PTPRK: variants seen among roughly 807,000 people sequenced by gnomAD.
PTPRK encodes protein tyrosine phosphatase receptor type K, also known as receptor-type tyrosine-protein phosphatase kappa.
Under a neutral mutation model 178.0 loss-of-function variants are expected in PTPRK, and 75 were observed. The observed-to-expected ratio is 0.42, with a 90% CI of 0.35 to 0.51. The LOEUF is 0.51. Ranked by LOEUF, PTPRK falls within the 20% of genes least tolerant of loss-of-function variation. The pLI, the probability that PTPRK is intolerant of heterozygous loss-of-function variation, is 0.02. For missense variants in PTPRK, 1,441 were observed against 1,797.8 expected (o/e 0.80, Z 3.59); for synonymous variants, 637 against 620.6 (o/e 1.03, Z -0.39).
At chr6:128,415,854 A>T (rs572882448) in intron 1 of PTPRK, among the ~76,000 whole-genome samples, 99 of 151,980 alleles carry the variant, frequency 6.5e-4, no homozygotes, top group Non-Finnish European at 6.9e-4. Flanking sequence ...CTGAAAATTT[A>T]AAAAAAAATT....
intron 6 of PTPRK, among the ~76,000 whole-genome samples, chr6:128,218,163 A>G (rs981034167): frequency 6.6e-6 from 1 of 152,090 alleles, no homozygotes; most frequent in African/African-American, 2.4e-5. Context: ...CATTTTTAAC[A>G]CCTGTCTATA....
At chr6:128,277,341 C>T (rs1820878935) in intron 3 of PTPRK, among the ~76,000 whole-genome samples, 1 of 152,106 alleles carries the variant, frequency 6.6e-6, no homozygotes, top group Non-Finnish European at 1.5e-5. Flanking sequence ...AAGTAGTTAT[C>T]AATTCATGCT....
chr6:128,167,722 T>C (rs562312890), intron 7 of PTPRK, among the ~76,000 whole-genome samples: 2 of 152,196 alleles, frequency 1.3e-5, no homozygotes, highest in Admixed American at 1.3e-4. Context: ...TAAAGTTGAA[T>C]AGACATTTCA....
At chr6:128,431,046 G>A (rs1844779531) in intron 1 of PTPRK, among the ~76,000 whole-genome samples, 1 of 148,762 alleles carries the variant, frequency 6.7e-6, no homozygotes, top group African/African-American at 2.5e-5. Flanking sequence ...TCAGGCAGTT[G>A]TCCTGCCTCA....
chr6:127,988,567 T>G (rs954516065), intron 21 of PTPRK, among the ~76,000 whole-genome samples: 1 of 152,240 alleles, frequency 6.6e-6, no homozygotes, highest in Non-Finnish European at 1.5e-5. Context: ...TTCATGCTTC[T>G]AAATCTTTGT....
intron 3 of PTPRK, among the ~76,000 whole-genome samples, chr6:128,264,011 A>G (rs1397731526): frequency 6.6e-6 from 1 of 151,050 alleles, no homozygotes; most frequent in Admixed American, 6.6e-5. Flanking sequence ...TATGAAGCAG[A>G]CTACTACATC....
intron 7 of PTPRK, among the ~76,000 whole-genome samples, chr6:128,126,241 C>T (rs1793357154): frequency 6.6e-6 from 1 of 152,040 alleles, no homozygotes; most frequent in African/African-American, 2.4e-5. Flanking sequence ...TGACAGGCCC[C>T]AGCGTGTGAT....
intron 3 of PTPRK, among the ~76,000 whole-genome samples, chr6:128,272,392 A>C (rs1819979017): frequency 6.6e-6 from 1 of 152,212 alleles, no homozygotes; most frequent in Non-Finnish European, 1.5e-5. Context: ...TCTGCACAGC[A>C]AAAGAAACTA....
chr6:128,046,031 T>C (rs1020103859), intron 13 of PTPRK, among the ~76,000 whole-genome samples: 1 of 152,156 alleles, frequency 6.6e-6, no homozygotes, highest in Non-Finnish European at 1.5e-5. Flanking sequence ...AAAGAATTTA[T>C]AATGATAAGG....
At chr6:128,307,461 TAAA>T (rs540521960) in intron 3 of PTPRK, among the ~76,000 whole-genome samples, 2 of 123,074 alleles carry the variant, frequency 1.6e-5, no homozygotes, top group African/African-American at 2.9e-5. Context: ...ATTTGTAAAG[TAAA>T]AAAAAAAAAA....
At chr6:128,506,118 T>C (rs1052675318) in intron 1 of PTPRK, among the ~76,000 whole-genome samples, 1 of 152,232 alleles carries the variant, frequency 6.6e-6, no homozygotes, top group African/African-American at 2.4e-5. Context: ...CCTTTCTCAT[T>C]CTATAACCAT....
intron 11 of PTPRK, among the ~76,000 whole-genome samples, chr6:128,078,403 C>G (rs1784211704): frequency 6.6e-6 from 1 of 151,962 alleles, no homozygotes; most frequent in South Asian, 2.1e-4. Flanking sequence ...TGCTAAGCAA[C>G]CTTCTGGCTC....
At chr6:128,395,203 G>C (rs1342114159) in intron 2 of PTPRK, among the ~76,000 whole-genome samples, 1 of 152,078 alleles carries the variant, frequency 6.6e-6, no homozygotes, top group South Asian at 2.1e-4. Context: ...ATTATAAAAA[G>C]AGATGACTAA....
chr6:128,143,117 T>G (rs1796012505), intron 7 of PTPRK, among the ~76,000 whole-genome samples: 2 of 150,608 alleles, frequency 1.3e-5, no homozygotes, highest in Admixed American at 1.3e-4. Flanking sequence ...GATCTCTCCA[T>G]AAATGCCTTC....
In PTPRK at chr6:128,224,783, C is replaced by T. The variant is rs190507514; in HGVS notation, c.694-5687G>A. On this transcript the variant is annotated intron_variant, in intron 5 of 29. Transcript: ENST00000368226. ...CTAAGGAGACATAAGAAAATGGGTT[C>T]CCTTTGCTTTTTCTTACTGTCATGC... 9.2e-5 allele frequency among the ~76,000 whole-genome samples: 14 copies of T among 152,190 alleles called. No homozygotes were observed. In the East Asian group the frequency reaches 2.5e-3, roughly 27 times the overall value.
Position 128,225,650 on chromosome 6 carries a change from G to A in PTPRK, c.694-6554C>T, listed in dbSNP as rs1811168947. ...TTTAAAAACATGAAAGTATTTCACA[G>A]AAAACTTAAATTTAGAAATTTCTAA... is the stretch of plus-strand genomic sequence containing the variant. On this transcript the variant is annotated intron_variant, in intron 5 of 29. Coordinates refer to ENST00000368226, the MANE Select transcript of PTPRK (RefSeq NM_002844.4). Among the ~76,000 whole-genome samples, 5 of 151,854 alleles carry A rather than the reference G, an allele frequency of 3.3e-5. No homozygotes were observed. In the South Asian group the frequency reaches 1.0e-3, roughly 32 times the overall value.
At chr6:128,336,919 C>G (rs1371038016) in intron 2 of PTPRK, among the ~76,000 whole-genome samples, 1 of 152,146 alleles carries the variant, frequency 6.6e-6, no homozygotes, top group African/African-American at 2.4e-5. Context: ...AAGAATCATA[C>G]ATTCCATCTG....
intron 3 of PTPRK, among the ~76,000 whole-genome samples, chr6:128,309,513 T>C (rs1826924369): frequency 6.6e-6 from 1 of 152,132 alleles, no homozygotes. Context: ...AGGCAATGGC[T>C]ATGCTGAAGT....
At chr6:128,363,225 ATG>A in intron 2 of PTPRK, among the ~76,000 whole-genome samples, 1 of 152,260 alleles carries the variant, frequency 6.6e-6, no homozygotes, top group Non-Finnish European at 1.5e-5. Context: ...GAGCTGTGAC[ATG>A]TGTTACTTCC....
Sources: allele counts gnomAD v4.1 joint callset (sites outside exome capture counted in the v4.1 genomes callset), GRCh38; gene constraint gnomAD v4.1.1; transcripts MANE v1.5; gene names NCBI Gene and HGNC (gene_info 2026-07-23, HGNC 2026-07-21).